The following FRMD6 variants were observed in gnomAD, a reference collection of about 807,000 sequenced individuals.
FRMD6 encodes the protein FERM domain-containing protein 6.
A neutral mutation model predicts 73.2 loss-of-function variants in FRMD6; 37 were observed. The ratio of observed to expected loss-of-function variants is 0.51; its 90% CI spans 0.39 to 0.66. The LOEUF is 0.66. Ranked by LOEUF, FRMD6 falls within the 30% of genes least tolerant of loss-of-function variation. FRMD6 has a pLI of 0.00. For synonymous variants in FRMD6, 273 were observed against 282.2 expected, an observed-to-expected ratio of 0.97 and a Z score of 0.33; for missense variants, 714 against 780.5, an observed-to-expected ratio of 0.91 and a Z score of 1.02.
At chr14:51,518,979 A>G (rs8011414) in intron 1 of FRMD6, among the ~76,000 whole-genome samples, 6,070 of 152,276 alleles carry the variant, frequency 0.04, 192 homozygotes, top group African/African-American at 0.089. Context: ...AATTTAATAC[A>G]TAACGATTTG....
chr14:51,483,474 T>C, the FRMD6 span, among the ~76,000 whole-genome samples: 2 of 152,186 alleles, frequency 1.3e-5, no homozygotes, highest in South Asian at 4.1e-4. Context: ...TGAGAAGCCC[T>C]GGAGGAAGGG....
chr14:51,438,991 G>T, the FRMD6 span, among the ~76,000 whole-genome samples: 3 of 152,198 alleles, frequency 2.0e-5, no homozygotes, highest in Non-Finnish European at 4.4e-5. Flanking sequence ...ATAAATCTGG[G>T]TGGGGTAATG....
intron 11 of FRMD6, among the ~76,000 whole-genome samples, chr14:51,721,182 A>G (rs976895562): frequency 6.6e-6 from 1 of 152,226 alleles, no homozygotes; most frequent in Non-Finnish European, 1.5e-5. Context: ...CTTTGGTATC[A>G]GGCAAAGGGC....
intron 6 of FRMD6, 101 bp downstream of exon 6, chr14:51,705,036 C>T (rs1438829734): frequency 9.5e-7 from 1 of 1,051,512 alleles, no homozygotes; most frequent in African/African-American, 1.6e-5. Context: ...CACAGATGTT[C>T]TGTGGCCAAA....
intron 1 of FRMD6, among the ~76,000 whole-genome samples, chr14:51,655,361 A>T (rs1892746346): frequency 6.6e-6 from 1 of 152,148 alleles, no homozygotes; most frequent in African/African-American, 2.4e-5. Context: ...AAAACAATGG[A>T]GAGTTAGGAG....
intron 2 of FRMD6, among the ~76,000 whole-genome samples, chr14:51,620,888 T>G (rs1304208190): frequency 2.6e-5 from 4 of 152,004 alleles, no homozygotes; most frequent in Non-Finnish European, 5.9e-5. Context: ...TGCTAGGCAG[T>G]GCACCACACT....
intron 1 of FRMD6, among the ~76,000 whole-genome samples, chr14:51,671,740 T>A (rs748813309): frequency 2.6e-5 from 4 of 152,170 alleles, no homozygotes; most frequent in Non-Finnish European, 5.9e-5. Flanking sequence ...GTGGATAACT[T>A]ACTCGTTTTA....
chr14:51,647,224 G>A (rs1458779632), upstream of FRMD6, among the ~76,000 whole-genome samples: 2 of 151,938 alleles, frequency 1.3e-5, no homozygotes, highest in African/African-American at 2.4e-5. Context: ...TTTCAACTCT[G>A]TATTTCTATA....
chr14:51,680,501 T>A (rs1403427258), intron 1 of FRMD6, among the ~76,000 whole-genome samples: 1 of 152,202 alleles, frequency 6.6e-6, no homozygotes, highest in Non-Finnish European at 1.5e-5. Context: ...AATTTAGAAA[T>A]GGTGTTGAGA....
upstream of FRMD6, among the ~76,000 whole-genome samples, chr14:51,486,525 A>G (rs532781951): frequency 2.0e-4 from 31 of 152,248 alleles, no homozygotes; most frequent in Non-Finnish European, 3.7e-4. Context: ...TTCTTACTGT[A>G]TACCTGTTAT....
intron 1 of FRMD6, among the ~76,000 whole-genome samples, chr14:51,504,115 T>C (rs1472393894): frequency 6.6e-6 from 1 of 152,194 alleles, no homozygotes; most frequent in Non-Finnish European, 1.5e-5. Context: ...TTTATTCTTC[T>C]TTATTAGTCT....
At chr14:51,537,939 C>T (rs1194041133) in intron 1 of FRMD6, among the ~76,000 whole-genome samples, 3 of 152,112 alleles carry the variant, frequency 2.0e-5, no homozygotes, top group Non-Finnish European at 2.9e-5. Context: ...CAAATATTTT[C>T]TCCCAGTCTG....
At chr14:51,570,962 A>C (rs531797055) in intron 2 of FRMD6, among the ~76,000 whole-genome samples, 7 of 152,368 alleles carry the variant, frequency 4.6e-5, no homozygotes, top group African/African-American at 1.4e-4. Context: ...AGAAATTGTC[A>C]ACTAATGAAA....
In FRMD6 at chr14:51,715,625, A is replaced by G. The variant is rs574795702; in HGVS notation, c.1024+126A>G. The G allele has an allele frequency of 8.1e-4, 548 of 679,062 alleles. 1 individual carries two copies. The highest frequency in any genetic ancestry group is 1.1e-3 in the Non-Finnish European group (458 of 424,524). The allele number at this position is 679,062 out of a possible 1,614,324, so 42.1% of individuals were successfully genotyped here. A position where few individuals can be genotyped will look rare whatever the true frequency, so the allele number is the denominator to read the frequency against. On this transcript the variant is annotated intron_variant, in intron 10 of 13. Transcript: ENST00000344768. ...GACTGGGACACTCCAGATTGAGAGC[A>G]GCATTACTATTTACATCTCAGTATT...
intron 13 of FRMD6, among the ~76,000 whole-genome samples, chr14:51,727,504 G>A (rs979005179): frequency 6.6e-5 from 10 of 152,186 alleles, no homozygotes; most frequent in Non-Finnish European, 1.3e-4. Context: ...AATGCATGCC[G>A]AGTATTTAGG....
At chr14:51,477,354 G>T in the FRMD6 span, among the ~76,000 whole-genome samples, 1 of 152,198 alleles carries the variant, frequency 6.6e-6, no homozygotes, top group East Asian at 1.9e-4. Context: ...ACGTGCAAAG[G>T]CTGTAGGAAT....
chr14:51,613,362 C>G (rs962058816), intron 2 of FRMD6, among the ~76,000 whole-genome samples: 7 of 151,996 alleles, frequency 4.6e-5, no homozygotes, highest in Non-Finnish European at 8.8e-5. Context: ...TTCAAAGATG[C>G]CTGTGACCCA....
intron 2 of FRMD6, among the ~76,000 whole-genome samples, chr14:51,609,709 G>A (rs911332056): frequency 1.3e-5 from 2 of 152,152 alleles, no homozygotes; most frequent in African/African-American, 4.8e-5. Flanking sequence ...GGGGAGAGCC[G>A]ACTGGCAGGA....
At chr14:51,467,891 C>A in the FRMD6 span, among the ~76,000 whole-genome samples, 1 of 152,154 alleles carries the variant, frequency 6.6e-6, no homozygotes, top group Non-Finnish European at 1.5e-5. Context: ...GACGGGATGG[C>A]GGCCGGGTAG....
Sources: allele counts gnomAD v4.1 joint callset (sites outside exome capture counted in the v4.1 genomes callset), GRCh38; gene constraint gnomAD v4.1.1; transcripts MANE v1.5; gene names NCBI Gene and HGNC (gene_info 2026-07-23, HGNC 2026-07-21).